ARSB: variants seen among roughly 807,000 people sequenced by gnomAD.
ARSB encodes arylsulfatase B, also known as N-acetylgalactosamine-4-sulfatase.
In ARSB, 41 loss-of-function variants were observed where a neutral mutation model predicts 50.9. That is an observed-to-expected ratio of 0.81 (90% CI 0.63 to 1.04). The LOEUF (loss-of-function observed/expected upper bound fraction) is 1.04. Ranked by LOEUF, ARSB falls within the 50% of genes least tolerant of loss-of-function variation. The pLI is 0.00. For synonymous variants in ARSB, 269 were observed against 284.8 expected, an observed-to-expected ratio of 0.94 and a Z score of 0.56; for missense variants, 672 against 693.3, an observed-to-expected ratio of 0.97 and a Z score of 0.35.
At chr5:78,904,057 T>G (rs1463662593) in intron 4 of ARSB, among the ~76,000 whole-genome samples, 3 of 152,184 alleles carry the variant, frequency 2.0e-5, no homozygotes, top group Non-Finnish European at 4.4e-5. Flanking sequence ...TCGTTAAGGT[T>G]TTGCTTTTTC....
chr5:78,780,625 A>G lies in ARSB; in HGVS notation c.1374T>C (p.Asn458=). ...GYWFPPPSQY[N]VSEIPSSDPP... ...GGTCTGATGAGGGTATCTCAGAAAC[A>G]TTGTATTGAGACGGTGGAGGGAACC... The change falls in exon 8 of 8, where the codon AAT becomes AAC. Residue 458 remains asparagine (N), a synonymous_variant. Transcript: ENST00000264914. 2 of 1,614,142 alleles carry G rather than the reference A, an allele frequency of 1.2e-6. No homozygotes were observed. Among genetic ancestry groups the G allele is most frequent in the Admixed American group, 1.7e-5 (1 of 60,006 alleles).
chr5:78,948,785 T>C (rs1751366873), intron 4 of ARSB, among the ~76,000 whole-genome samples: 1 of 152,160 alleles, frequency 6.6e-6, no homozygotes, highest in Non-Finnish European at 1.5e-5. Context: ...ATGTCAAATT[T>C]AAATAACCAC....
chr5:78,802,300 A>G, intron 6 of ARSB, among the ~76,000 whole-genome samples: 1 of 150,784 alleles, frequency 6.6e-6, no homozygotes, highest in South Asian at 2.1e-4. Context: ...TTCATTTAAT[A>G]TATTTAATAT....
chr5:78,790,638 T>C, intron 6 of ARSB, among the ~76,000 whole-genome samples: 1 of 152,212 alleles, frequency 6.6e-6, no homozygotes. Flanking sequence ...GTTCTATGTA[T>C]AACTCATTTA....
Position 78,964,528 on chromosome 5 carries a change from G to A in ARSB, c.578C>T (p.Ala193Val). 1 of 1,613,984 alleles carries A rather than the reference G, an allele frequency of 6.2e-7. No individual in the cohort carries two copies. The highest frequency in any genetic ancestry group is 8.5e-7 in the Non-Finnish European group (1 of 1,179,914). Reference protein sequence around the residue: ...LIDALNVTRCALDFRDGEEVA... With the variant: ...LIDALNVTRCVLDFRDGEEVA... ...TTCTTCGCCATCTCGAAAATCAAGA[G>A]CACATCGTGTGACATTCAGAGCGTC... The change falls in exon 3 of 8, where the codon GCT (alanine) becomes GTT (valine). Residue 193 changes from alanine (A) to valine (V), a missense_variant. Coordinates refer to ENST00000264914, the MANE Select transcript of ARSB (RefSeq NM_000046.5).
chr5:78,847,326 T>A (rs34686491), intron 5 of ARSB, among the ~76,000 whole-genome samples: 34,986 of 151,858 alleles, frequency 0.23, 4,783 homozygotes, highest in Admixed American at 0.31. Context: ...GGGATCTCCC[T>A]CTGCTGCCCA....
intron 1 of ARSB, among the ~76,000 whole-genome samples, chr5:78,981,016 T>C: frequency 2.2e-4 from 1 of 4,474 alleles, no homozygotes; most frequent in Non-Finnish European, 3.4e-4. Context: ...AGTGGCGCAA[T>C]CTCGGCTCAC....
chr5:78,980,130 G>A (rs1752840649), intron 1 of ARSB, among the ~76,000 whole-genome samples: 1 of 152,110 alleles, frequency 6.6e-6, no homozygotes, highest in Non-Finnish European at 1.5e-5. Flanking sequence ...ATAGTTGAGT[G>A]GTTTCTTTCT....
intron 4 of ARSB, among the ~76,000 whole-genome samples, chr5:78,900,481 A>G (rs896905894): frequency 1.3e-5 from 2 of 152,050 alleles, no homozygotes; most frequent in Non-Finnish European, 2.9e-5. Flanking sequence ...GATTTTCCAC[A>G]TGCTTGGTGC....
intron 6 of ARSB, among the ~76,000 whole-genome samples, chr5:78,790,587 T>C (rs577115112): frequency 6.6e-6 from 1 of 152,338 alleles, no homozygotes; most frequent in South Asian, 2.1e-4. Flanking sequence ...ATCTAATACT[T>C]AAATACTACA....
At chr5:78,882,664 A>G (rs1189155409) in intron 5 of ARSB, among the ~76,000 whole-genome samples, 1 of 152,144 alleles carries the variant, frequency 6.6e-6, no homozygotes, top group Non-Finnish European at 1.5e-5. Flanking sequence ...TCAAAAACCA[A>G]TGGTCTGTTA....
At chr5:78,822,419 C>T (rs1263465186) in intron 6 of ARSB, among the ~76,000 whole-genome samples, 1 of 152,138 alleles carries the variant, frequency 6.6e-6, no homozygotes, top group East Asian at 1.9e-4. Context: ...GATTTTGACA[C>T]TCTTGGTGGT....
intron 5 of ARSB, among the ~76,000 whole-genome samples, chr5:78,866,000 G>T (rs962043200): frequency 6.6e-6 from 1 of 152,090 alleles, no homozygotes; most frequent in African/African-American, 2.4e-5. Flanking sequence ...ACATTTTCCT[G>T]TCTTCTTCTG....
chr5:78,981,300 T>C (rs1752893848), intron 1 of ARSB, among the ~76,000 whole-genome samples: 1 of 152,206 alleles, frequency 6.6e-6, no homozygotes, highest in Non-Finnish European at 1.5e-5. Context: ...ATCTGCTAAT[T>C]AGTCTCCTCC....
At chr5:78,792,851 C>A (rs769185564) in intron 6 of ARSB, among the ~76,000 whole-genome samples, 9 of 152,120 alleles carry the variant, frequency 5.9e-5, no homozygotes, top group Admixed American at 6.5e-5. Flanking sequence ...ACTGCTCAAC[C>A]CTCTTATGAC....
At chr5:78,906,090 G>T (rs1251781442) in intron 4 of ARSB, among the ~76,000 whole-genome samples, 2 of 151,252 alleles carry the variant, frequency 1.3e-5, no homozygotes, top group Admixed American at 1.3e-4. Context: ...GAAAGAAAAA[G>T]AAAAAACAGT....
chr5:78,786,586 T>C (rs1228462419), intron 6 of ARSB, among the ~76,000 whole-genome samples: 1 of 152,204 alleles, frequency 6.6e-6, no homozygotes. Context: ...CTGCAGAGCA[T>C]TAAAAAATGG....
At chr5:78,834,620 T>TATATAC (rs1744859915) in intron 6 of ARSB, among the ~76,000 whole-genome samples, 1 of 126,156 alleles carries the variant, frequency 7.9e-6, no homozygotes, top group Non-Finnish European at 1.6e-5. Flanking sequence ...TATATATATA[T>TATATAC]ATATATATAT....
At chr5:78,860,630 T>C (rs1285900844) in intron 5 of ARSB, among the ~76,000 whole-genome samples, 1 of 152,192 alleles carries the variant, frequency 6.6e-6, no homozygotes, top group Non-Finnish European at 1.5e-5. Flanking sequence ...GGGAAATCTA[T>C]AGCACTAAAT....
Sources: gnomAD v4.1 joint callset for allele counts (sites outside exome capture counted in the v4.1 genomes callset) on GRCh38, gnomAD v4.1.1 for gene constraint, MANE v1.5 for transcripts, NCBI Gene and HGNC (gene_info 2026-07-23, HGNC 2026-07-21) for gene names.